CNBD1: variants seen among roughly 807,000 people sequenced by gnomAD.
CNBD1 encodes cyclic nucleotide binding domain containing 1, also known as cyclic nucleotide-binding domain-containing protein 1.
A neutral mutation model predicts 54.4 loss-of-function variants in CNBD1; 71 were observed. The ratio of observed to expected loss-of-function variants is 1.30; its 90% confidence interval spans 1.08 to 1.59. CNBD1 has a LOEUF of 1.59. Ranked by LOEUF, CNBD1 falls within the 40% of genes most tolerant of loss-of-function variation. The probability of loss-of-function intolerance (pLI) is 0.00; values close to 1 mark genes in which losing one functional copy is unlikely to be tolerated. For missense variants in CNBD1, 659 were observed against 518.0 expected (o/e 1.27, Z -2.64); for synonymous variants, 182 against 170.7 (o/e 1.07, Z -0.51).
intron 4 of CNBD1, among the ~76,000 whole-genome samples, chr8:86,959,418 C>T (rs553657365): frequency 6.6e-6 from 1 of 152,314 alleles, no homozygotes; most frequent in South Asian, 2.1e-4. Context: ...TGAGGAAGTT[C>T]TCCTCAATAA....
At chr8:87,046,948 G>T (rs1218510128) in intron 4 of CNBD1, among the ~76,000 whole-genome samples, 2 of 152,156 alleles carry the variant, frequency 1.3e-5, no homozygotes, top group Non-Finnish European at 2.9e-5. Context: ...TGTGTTATTT[G>T]CTATTCTGAT....
At chr8:87,374,788 T>A (rs2130952466) in intron 10 of CNBD1, among the ~76,000 whole-genome samples, 1 of 151,998 alleles carries the variant, frequency 6.6e-6, no homozygotes, top group Admixed American at 6.6e-5. Flanking sequence ...ACCTTGGAAT[T>A]CTTTTCTTGG....
intron 2 of CNBD1, among the ~76,000 whole-genome samples, chr8:87,422,083 G>A (rs184669299): frequency 6.9e-6 from 1 of 144,704 alleles, no homozygotes; most frequent in South Asian, 2.1e-4. Flanking sequence ...TGTTTGAGAA[G>A]TGTCTGTTCA....
At chr8:87,109,222 A>G (rs984027258) in intron 4 of CNBD1, among the ~76,000 whole-genome samples, 1 of 152,098 alleles carries the variant, frequency 6.6e-6, no homozygotes, top group East Asian at 1.9e-4. Context: ...TTAAACCCTA[A>G]GTGTATCCAG....
intron 3 of CNBD1, among the ~76,000 whole-genome samples, chr8:86,935,786 TC>T (rs1274917152): frequency 3.3e-5 from 5 of 151,762 alleles, no homozygotes; most frequent in Non-Finnish European, 5.9e-5. Flanking sequence ...ACTTACTCTT[TC>T]TTTTTCTCAT....
At chr8:87,221,553 A>T (rs1348639681) in intron 5 of CNBD1, among the ~76,000 whole-genome samples, 2 of 152,048 alleles carry the variant, frequency 1.3e-5, no homozygotes, top group African/African-American at 4.8e-5. Context: ...CTTCTTTTTC[A>T]TAAAGTCATT....
intron 4 of CNBD1, among the ~76,000 whole-genome samples, chr8:87,160,539 A>G (rs1812834895): frequency 6.6e-6 from 1 of 152,182 alleles, no homozygotes; most frequent in Non-Finnish European, 1.5e-5. Context: ...TCTTCCAGAA[A>G]AATTTTGGCA....
Position 86,932,220 on chromosome 8 carries a change from T to C in CNBD1, c.273-7376T>C, listed in dbSNP as rs148156630. On this transcript the variant is annotated intron_variant, in intron 3 of 10. Coordinates refer to ENST00000518476, the MANE Select transcript of CNBD1 (RefSeq NM_173538.3). ...GGTTTGCCCTAGACCCTGTAGGACA[T>C]CTATATCCCTATCAGGATTATCTGA... Among the ~76,000 whole-genome samples, 47 of 152,302 alleles carry C rather than the reference T, an allele frequency of 3.1e-4. 1 individual carries two copies. In the East Asian group the frequency reaches 8.7e-3, roughly 28 times the overall value.
chr8:87,085,320 C>G (rs1811074701), intron 4 of CNBD1, among the ~76,000 whole-genome samples: 1 of 151,824 alleles, frequency 6.6e-6, no homozygotes, highest in Non-Finnish European at 1.5e-5. Context: ...GCTGTTTTTC[C>G]TTGCTTTGTT....
rs918052632 is a variant in CNBD1, at chr8:86,935,612, T to C, written c.273-3984T>C. The stretch of plus-strand genomic sequence containing the variant: ...GTCTTCTTTTCCATTTCTGATGTAA[T>C]TTATGTCTGCCTTTTCTGTTTTTGT... On this transcript the variant is annotated intron_variant, in intron 3 of 10. Coordinates refer to ENST00000518476, the MANE Select transcript of CNBD1 (RefSeq NM_173538.3). Among the ~76,000 whole-genome samples, 10 of 152,124 alleles carry C rather than the reference T, an allele frequency of 6.6e-5. No homozygotes were observed. The East Asian group carries it at 1.7e-3, about 26-fold the overall frequency.
intron 4 of CNBD1, among the ~76,000 whole-genome samples, chr8:87,026,364 TCTCCCTCCCTCC>T (rs376248979): frequency 6.8e-6 from 1 of 146,388 alleles, no homozygotes; most frequent in Non-Finnish European, 1.5e-5. Context: ...TCCCTCCCTC[TCTCCCTCCCTCC>T]CTTCTTCCCT....
In CNBD1 at chr8:87,361,689, A is replaced by AATATATATATATAT. The variant is rs71277937; in HGVS notation, c.1303+7910_1303+7923dup. Among the ~76,000 whole-genome samples, 567 of 143,414 alleles carry AATATATATATATAT rather than the reference A, an allele frequency of 4.0e-3. 2 individuals are homozygous for AATATATATATATAT. The highest frequency in any genetic ancestry group is 0.011 in the African/African-American group (412 of 38,090). The allele number at this position is 143,414 out of a possible 152,430, so 94.1% of individuals were successfully genotyped here. A position where few individuals can be genotyped will look rare whatever the true frequency, so the allele number is the denominator to read the frequency against. On this transcript the variant is annotated intron_variant, in intron 10 of 10. Transcript: ENST00000518476. ...ATCATTCCAACAAAATAGTTGGATGAATATATATATATATATATATTCTTG... is the reference window on the plus strand; with the variant it reads ...ATCATTCCAACAAAATAGTTGGATGAATATATATATATATATATATATATATATATATATTCTTG...
chr8:87,181,578 G>C (rs1813313393), intron 4 of CNBD1, among the ~76,000 whole-genome samples: 2 of 152,198 alleles, frequency 1.3e-5, no homozygotes, highest in South Asian at 4.1e-4. Context: ...CTCACTCCTA[G>C]TGTTAGTAAT....
intron 2 of CNBD1, among the ~76,000 whole-genome samples, chr8:87,392,895 G>A (rs1811336636): frequency 2.0e-5 from 3 of 151,840 alleles, no homozygotes; most frequent in Admixed American, 1.3e-4. Flanking sequence ...GAAGGCGATG[G>A]GAAGTCTTAT....
At chr8:86,998,270 A>G (rs1412694927) in intron 4 of CNBD1, among the ~76,000 whole-genome samples, 3 of 151,838 alleles carry the variant, frequency 2.0e-5, no homozygotes, top group Non-Finnish European at 2.9e-5. Context: ...TGGCAACACC[A>G]TAATTCATGC....
chr8:86,977,319 TAC>T (rs1808364513), intron 4 of CNBD1, among the ~76,000 whole-genome samples: 1 of 152,122 alleles, frequency 6.6e-6, no homozygotes, highest in African/African-American at 2.4e-5. Flanking sequence ...CTCATTCTGA[TAC>T]ACTAATTATT....
At chr8:87,067,980 T>G (rs553388907) in intron 4 of CNBD1, among the ~76,000 whole-genome samples, 2 of 152,040 alleles carry the variant, frequency 1.3e-5, no homozygotes, top group Non-Finnish European at 2.9e-5. Context: ...GCCAAATAAC[T>G]TATATTCTAA....
intron 4 of CNBD1, among the ~76,000 whole-genome samples, chr8:86,975,979 T>A (rs1253353105): frequency 6.6e-6 from 1 of 151,956 alleles, no homozygotes; most frequent in Admixed American, 6.6e-5. Flanking sequence ...TTCTGATGGT[T>A]AGTAATGCTG....
At chr8:86,908,770 T>C (rs1427707749) in intron 3 of CNBD1, among the ~76,000 whole-genome samples, 13 of 151,410 alleles carry the variant, frequency 8.6e-5, no homozygotes, top group Non-Finnish European at 1.5e-5. Context: ...GTTGTGATTA[T>C]CATCATAAGA....
Sources: allele counts gnomAD v4.1 joint callset (sites outside exome capture counted in the v4.1 genomes callset), GRCh38; gene constraint gnomAD v4.1.1; transcripts MANE v1.5; gene names NCBI Gene and HGNC (gene_info 2026-07-23, HGNC 2026-07-21).